ENOPH1: variants seen among roughly 807,000 people sequenced by gnomAD.
ENOPH1 encodes enolase-phosphatase E1.
A neutral mutation model predicts 31.1 loss-of-function variants in ENOPH1; 14 were observed. That is an observed-to-expected ratio of 0.45 (90% CI 0.30 to 0.70). The LOEUF is 0.70. Ranked by LOEUF, ENOPH1 falls within the 30% of genes least tolerant of loss-of-function variation. The pLI is 0.09. For synonymous variants in ENOPH1, 127 were observed against 123.2 expected, an observed-to-expected ratio of 1.03 and a Z score of -0.21; for missense variants, 243 against 321.5, an observed-to-expected ratio of 0.76 and a Z score of 1.87.
At position 82,430,739 on chromosome 4, in the gene ENOPH1, C is replaced by T; in HGVS notation, c.-91C>T. ...CGAGATCGCGCGGGGCCGCCGGAAG[C>T]CCAAGACGGTACCGGGGGCCGCAGC... On this transcript the variant is annotated 5_prime_UTR_variant, in exon 1 of 6. Coordinates refer to ENST00000273920, the MANE Select transcript of ENOPH1 (RefSeq NM_021204.5). 7.9e-7 allele frequency: 1 copy of T among 1,270,942 alleles called. No homozygotes were observed. Among genetic ancestry groups the T allele is most frequent in the Non-Finnish European group, 1.1e-6 (1 of 879,608 alleles). 78.7% of individuals were successfully genotyped at this position (1,270,942 alleles called of 1,614,324 possible).
At chr4:82,452,898 TTC>T (rs1352247381) in intron 3 of ENOPH1, among the ~76,000 whole-genome samples, 2 of 146,580 alleles carry the variant, frequency 1.4e-5, no homozygotes, top group East Asian at 2.0e-4. Flanking sequence ...TGCTGAGAAA[TTC>T]TTTTTTTTTT....
Position 82,451,141 on chromosome 4 carries a change from T to C in ENOPH1, c.285T>C (p.Asp95=), listed in dbSNP as rs1191383491. ...DLQQMIQAVV[D]NVCWQMSLDR... The stretch of plus-strand genomic sequence containing the variant: ...AACAGATGATCCAGGCCGTGGTAGA[T>C]AATGTGTGCTGGCAGATGTCCCTGG... Residue 95 remains aspartate (D), a synonymous_variant, in exon 3 of 6, where the codon GAT becomes GAC. Transcript: ENST00000273920. The C allele has an allele frequency of 2.5e-6, 4 of 1,614,200 alleles. No individual in the cohort carries two copies. Among genetic ancestry groups the C allele is most frequent in the South Asian group, 1.1e-5 (1 of 91,090 alleles).
Position 82,459,951 on chromosome 4 carries a change from GAC to G in ENOPH1, c.647-20_647-19del, listed in dbSNP as rs768657177. ...TCAGACATCATTTTTTGGTGTTTCT[GAC>G]ACACACACATCCTTTGATTTTTCAC... is the stretch of plus-strand genomic sequence containing the variant. On this transcript the variant is annotated intron_variant, in intron 5 of 5. Coordinates refer to ENST00000273920, the MANE Select transcript of ENOPH1 (RefSeq NM_021204.5). 3.3e-5 allele frequency: 53 copies of G among 1,609,812 alleles called. No homozygotes were observed. The African/African-American group carries it at 5.6e-4, about 17-fold the overall frequency.
intron 1 of ENOPH1, among the ~76,000 whole-genome samples, chr4:82,438,433 T>A (rs1400770091): frequency 7.5e-6 from 1 of 133,986 alleles, no homozygotes; most frequent in African/African-American, 2.6e-5. Context: ...GCAAGGAGAT[T>A]ACTTGAGTCC....
At chr4:82,453,761 A>G (rs1175710327) in intron 3 of ENOPH1, among the ~76,000 whole-genome samples, 1 of 152,152 alleles carries the variant, frequency 6.6e-6, no homozygotes, top group Admixed American at 6.5e-5. Flanking sequence ...CTCCATGACT[A>G]TGGAAAACAC....
intron 2 of ENOPH1, among the ~76,000 whole-genome samples, chr4:82,449,052 C>T (rs1274586423): frequency 5.4e-5 from 6 of 111,828 alleles, no homozygotes; most frequent in Non-Finnish European, 8.9e-5. Flanking sequence ...AGCGAGACTC[C>T]GTCTCAAAAA....
At chr4:82,437,141 T>C (rs1721926369) in intron 1 of ENOPH1, among the ~76,000 whole-genome samples, 1 of 152,186 alleles carries the variant, frequency 6.6e-6, no homozygotes, top group Non-Finnish European at 1.5e-5. Context: ...TCCTTATTTT[T>C]CTAGAACCTT....
chr4:82,432,464 C>T (rs1291104277), intron 1 of ENOPH1, among the ~76,000 whole-genome samples: 1 of 152,092 alleles, frequency 6.6e-6, no homozygotes, highest in Non-Finnish European at 1.5e-5. Context: ...TCTGTCGCAG[C>T]CTCTCCAGTA....
intron 1 of ENOPH1, among the ~76,000 whole-genome samples, chr4:82,437,929 T>A (rs1018069493): frequency 6.6e-6 from 1 of 152,242 alleles, no homozygotes; most frequent in Non-Finnish European, 1.5e-5. Context: ...TGGTACTCTA[T>A]TATATTTGAA....
In ENOPH1 at chr4:82,454,768, G is replaced by A. The variant is rs183441555; in HGVS notation, c.436G>A (p.Gly146Arg). Reference protein sequence around the residue: ...VPAVRKWREAGMKVYIYSSGS... With the variant: ...VPAVRKWREARMKVYIYSSGS... The stretch of plus-strand genomic sequence containing the variant: ...AGCAGTCAGGAAGTGGAGAGAGGCC[G>A]GAATGAAGGTGTACATCTATTCCTC... The change falls in exon 4 of 6, where the codon GGA (glycine) becomes AGA (arginine). Residue 146 changes from glycine (G) to arginine (R), a missense_variant. By Grantham distance (125) the Gly-to-Arg change is moderately radical. Transcript: ENST00000273920. The A allele has an allele frequency of 1.2e-5, 19 of 1,613,840 alleles. No individual in the cohort carries two copies. The highest frequency in any genetic ancestry group is 3.3e-5 in the Admixed American group (2 of 59,870).
chr4:82,434,474 G>A (rs13125346), intron 1 of ENOPH1, among the ~76,000 whole-genome samples: 38,824 of 151,928 alleles, frequency 0.26, 6,296 homozygotes, highest in East Asian at 0.62. Context: ...AGCACTTTGG[G>A]AGGCCGAGAC....
At chr4:82,455,437 T>C (rs1273564685) in intron 4 of ENOPH1, among the ~76,000 whole-genome samples, 3 of 152,182 alleles carry the variant, frequency 2.0e-5, no homozygotes, top group Non-Finnish European at 4.4e-5. Context: ...TAGACTTAAC[T>C]TAAAATAGGT....
At chr4:82,456,821 TG>T in intron 4 of ENOPH1, 93 bp from the exon 5 acceptor site, 4 of 1,453,914 alleles carry the variant, frequency 2.8e-6, no homozygotes, top group Non-Finnish European at 3.7e-6. Flanking sequence ...ACTGAACGAA[TG>T]AAGTAATTGT....
chr4:82,455,609 T>A (rs1355270259), intron 4 of ENOPH1, among the ~76,000 whole-genome samples: 1 of 140,174 alleles, frequency 7.1e-6, no homozygotes, highest in Non-Finnish European at 1.5e-5. Flanking sequence ...TGAAACCCCG[T>A]CTCTACTAAA....
intron 1 of ENOPH1, among the ~76,000 whole-genome samples, chr4:82,445,988 T>C (rs1221977844): frequency 6.6e-6 from 1 of 152,236 alleles, no homozygotes; most frequent in African/African-American, 2.4e-5. Context: ...TGTCCTGCTC[T>C]CTGTAGGCTC....
chr4:82,434,894 G>A (rs1057168127), intron 1 of ENOPH1, among the ~76,000 whole-genome samples: 6 of 147,162 alleles, frequency 4.1e-5, no homozygotes, highest in South Asian at 2.1e-4. Context: ...GTGACAGAGC[G>A]AGACTGTCTT....
intron 1 of ENOPH1, among the ~76,000 whole-genome samples, chr4:82,446,689 CTTTTTTTTTTT>C (rs1175624219): frequency 1.8e-4 from 12 of 67,512 alleles, no homozygotes; most frequent in Non-Finnish European, 3.1e-4. Flanking sequence ...GTGACGGAAT[CTTTTTTTTTTT>C]TTTTTTTTTT....
At position 82,460,191 on chromosome 4, in the gene ENOPH1, G is replaced by A. The variant is rs556039360; in HGVS notation, c.*71G>A. ...TGTAGTGTCTAGGTTTATTCTAATG[G>A]TAAAAGTAACTTACTTAAAAAACAT... On this transcript the variant is annotated 3_prime_UTR_variant, in exon 6 of 6. Transcript: ENST00000273920. 8 of 1,520,434 alleles carry A rather than the reference G, an allele frequency of 5.3e-6. No individual in the cohort carries two copies. In the Admixed American group the frequency reaches 1.5e-4, roughly 28 times the overall value. 94.2% of individuals were successfully genotyped at this position (1,520,434 alleles called of 1,614,324 possible).
chr4:82,442,160 C>A (rs559020176), intron 1 of ENOPH1, among the ~76,000 whole-genome samples: 6 of 152,290 alleles, frequency 3.9e-5, no homozygotes, highest in African/African-American at 1.4e-4. Context: ...CATGTAATTT[C>A]CCCTAAGTTT....
Sources: allele counts gnomAD v4.1 joint callset (sites outside exome capture counted in the v4.1 genomes callset), GRCh38; gene constraint gnomAD v4.1.1; transcripts MANE v1.5; gene names NCBI Gene and HGNC (gene_info 2026-07-23, HGNC 2026-07-21).